SCN9A: variants seen among roughly 807,000 people sequenced by gnomAD.
The protein encoded by SCN9A is sodium voltage-gated channel alpha subunit 9.
A neutral mutation model predicts 187.0 loss-of-function variants in SCN9A; 131 were observed. The ratio of observed to expected loss-of-function variants is 0.70; its 90% CI spans 0.61 to 0.81. SCN9A has a LOEUF of 0.81. Ranked by LOEUF, SCN9A falls within the 30% of genes least tolerant of loss-of-function variation. The pLI is 0.00. For missense variants in SCN9A, 2,252 were observed against 2,396.6 expected (o/e 0.94, Z 1.26); for synonymous variants, 809 against 808.6 (o/e 1.00, Z -0.01).
chr2:166,321,107 G>T (rs1454076994), intron 1 of SCN9A, among the ~76,000 whole-genome samples: 2 of 152,154 alleles, frequency 1.3e-5, no homozygotes, highest in Non-Finnish European at 2.9e-5. Flanking sequence ...CAAAAGGAGA[G>T]AAAAAATTCA....
chr2:166,228,579 C>A, intron 22 of SCN9A, 112 bp downstream of exon 22: 1 of 1,113,994 alleles, frequency 9.0e-7, no homozygotes, highest in Non-Finnish European at 1.3e-6. Context: ...GTTTTAAAAA[C>A]CACACAGTAT....
chr2:166,354,524 T>C (rs1022339286), intron 1 of SCN9A, among the ~76,000 whole-genome samples: 2 of 152,188 alleles, frequency 1.3e-5, no homozygotes, highest in Non-Finnish European at 2.9e-5. Flanking sequence ...AGGCACATTT[T>C]GACATGTTCA....
At chr2:166,282,327 G>A (rs751202139) in intron 12 of SCN9A, among the ~76,000 whole-genome samples, 1 of 152,150 alleles carries the variant, frequency 6.6e-6, no homozygotes, top group Non-Finnish European at 1.5e-5. Context: ...AAGACCTCAT[G>A]AACTGAGCAG....
intron 1 of SCN9A, among the ~76,000 whole-genome samples, chr2:166,348,363 T>TA (rs1256413724): frequency 3.9e-5 from 6 of 152,128 alleles, no homozygotes; most frequent in Non-Finnish European, 2.9e-5. Context: ...TGCCAGTCAG[T>TA]AGCCAGTGCT....
chr2:166,362,174 G>C (rs893810456), intron 1 of SCN9A, among the ~76,000 whole-genome samples: 3 of 152,166 alleles, frequency 2.0e-5, no homozygotes, highest in East Asian at 1.9e-4. Flanking sequence ...AGTTTATTTA[G>C]TGGAAATTCA....
intron 1 of SCN9A, among the ~76,000 whole-genome samples, chr2:166,313,210 A>C (rs139080215): frequency 0.014 from 2,102 of 151,936 alleles, 55 homozygotes; most frequent in African/African-American, 0.048. Context: ...CTGAACGATA[A>C]ATTAGCATTT....
intron 1 of SCN9A, among the ~76,000 whole-genome samples, chr2:166,327,565 A>G (rs979736963): frequency 3.3e-5 from 5 of 152,306 alleles, no homozygotes; most frequent in East Asian, 1.9e-4. Context: ...AGGGATTTCA[A>G]TGATGACCAT....
intron 1 of SCN9A, among the ~76,000 whole-genome samples, chr2:166,312,978 A>T (rs1699006902): frequency 8.8e-6 from 1 of 114,108 alleles, no homozygotes; most frequent in Non-Finnish European, 2.1e-5. Flanking sequence ...TGAATGATTA[A>T]ATAATATAAT....
At chr2:166,350,189 T>C (rs1700001736) in intron 1 of SCN9A, among the ~76,000 whole-genome samples, 1 of 152,212 alleles carries the variant, frequency 6.6e-6, no homozygotes. Context: ...AAAAATTCTA[T>C]GATTCTATTA....
intron 1 of SCN9A, among the ~76,000 whole-genome samples, chr2:166,340,604 TTTTC>T (rs1559051183): frequency 1.4e-5 from 1 of 72,022 alleles, no homozygotes; most frequent in Non-Finnish European, 2.5e-5. Context: ...CTTTCTTTCT[TTTTC>T]TTTCTTTCTT....
At chr2:166,206,396 C>A (rs1183660153) in intron 24 of SCN9A, among the ~76,000 whole-genome samples, 1 of 152,126 alleles carries the variant, frequency 6.6e-6, no homozygotes, top group African/African-American at 2.4e-5. Flanking sequence ...CCATCATTCT[C>A]AGCAAAATAT....
chr2:166,201,450 GTA>G (rs1693518962), intron 26 of SCN9A, among the ~76,000 whole-genome samples: 1 of 131,546 alleles, frequency 7.6e-6, no homozygotes, highest in African/African-American at 2.7e-5. Context: ...TAGAGTATGC[GTA>G]TACTATATAT....
At chr2:166,205,681 G>C (rs1007509278) in intron 24 of SCN9A, among the ~76,000 whole-genome samples, 2 of 152,068 alleles carry the variant, frequency 1.3e-5, no homozygotes, top group African/African-American at 4.8e-5. Flanking sequence ...TTAAACTAAA[G>C]AGCTTCTGCA....
intron 4 of SCN9A, 114 bp from the exon 5 acceptor site, chr2:166,306,034 C>G: frequency 7.9e-7 from 1 of 1,268,988 alleles, no homozygotes; most frequent in African/African-American, 1.5e-5. Flanking sequence ...TGGAGGATGG[C>G]TGTTGGGTTA....
chr2:166,283,242 T>C (rs1559008996), intron 12 of SCN9A, among the ~76,000 whole-genome samples: 1 of 152,200 alleles, frequency 6.6e-6, no homozygotes, highest in Non-Finnish European at 1.5e-5. Context: ...AAATTTAACA[T>C]GCTCATTCAA....
At chr2:166,374,919 A>T (rs1049596329) in intron 1 of SCN9A, among the ~76,000 whole-genome samples, 25 of 137,524 alleles carry the variant, frequency 1.8e-4, no homozygotes, top group African/African-American at 6.6e-4. Flanking sequence ...GCTCCAACTT[A>T]AAAAAAAAAA....
At position 166,310,850 on chromosome 2, in the gene SCN9A, A is replaced by G. The variant is rs1698917976; in HGVS notation, c.258+649T>C. ...TAGCAAACACTTGGAACCAACCCAAATGTCCAACAATGATAGACTGGATTA... is the reference window on the plus strand; with the variant it reads ...TAGCAAACACTTGGAACCAACCCAAGTGTCCAACAATGATAGACTGGATTA... On this transcript the variant is annotated intron_variant, in intron 2 of 26. Coordinates refer to ENST00000642356, the MANE Select transcript of SCN9A (RefSeq NM_001365536.1). Among the ~76,000 whole-genome samples, 5 of 78,412 alleles carry G rather than the reference A, an allele frequency of 6.4e-5. 2 individuals are homozygous for G. Among genetic ancestry groups the G allele is most frequent in the Non-Finnish European group, 1.3e-4 (5 of 38,370 alleles). The allele number at this position is 78,412 out of a possible 152,430, so 51.4% of individuals were successfully genotyped here. A position where few individuals can be genotyped will look rare whatever the true frequency, so the allele number is the denominator to read the frequency against.
chr2:166,278,218 G>A lies in SCN9A; in HGVS notation c.2439C>T (p.Ser813=). The stretch of plus-strand genomic sequence containing the variant: ...CCACTAAACTTAAAGTCACAATAAG[G>A]CTGTCAAAAATATTCCAGCCTACTT... ...YFQVGWNIFD[S]LIVTLSLVEL... is the part of the protein sequence containing the mutation. The change falls in exon 15 of 27, where the codon AGC becomes AGT. Residue 813 remains serine (S), a synonymous_variant. Transcript: ENST00000642356. 1 of 1,612,712 alleles carries A rather than the reference G, an allele frequency of 6.2e-7. No individual in the cohort carries two copies. The highest frequency in any genetic ancestry group is 1.3e-5 in the African/African-American group (1 of 74,966).
intron 12 of SCN9A, among the ~76,000 whole-genome samples, chr2:166,283,480 G>A (rs1697585861): frequency 6.6e-6 from 1 of 152,158 alleles, no homozygotes; most frequent in South Asian, 2.1e-4. Flanking sequence ...GCTGATATTG[G>A]TAATGCAGCA....
Sources: gnomAD v4.1 joint callset for allele counts (sites outside exome capture counted in the v4.1 genomes callset) on GRCh38, gnomAD v4.1.1 for gene constraint, MANE v1.5 for transcripts, NCBI Gene and HGNC (gene_info 2026-07-23, HGNC 2026-07-21) for gene names.